SERGEF: variants seen among roughly 807,000 people sequenced by gnomAD.
The protein encoded by SERGEF is secretion regulating guanine nucleotide exchange factor.
In SERGEF, 51 loss-of-function variants were observed where a neutral mutation model predicts 50.0. The ratio of observed to expected loss-of-function variants is 1.02; its 90% confidence interval spans 0.81 to 1.29. The LOEUF is 1.29. Among genes scored for constraint, SERGEF ranks in the 50% most tolerant of loss-of-function variants. The pLI is 0.00. For synonymous variants in SERGEF, 205 were observed against 212.4 expected (o/e 0.97, Z 0.30); for missense variants, 521 against 557.0 (o/e 0.94, Z 0.65).
At chr11:17,877,053 G>T (rs1203665301) in intron 10 of SERGEF, among the ~76,000 whole-genome samples, 1 of 152,240 alleles carries the variant, frequency 6.6e-6, no homozygotes, top group Non-Finnish European at 1.5e-5. Context: ...TGCCACCCCA[G>T]GCAGCTGAGC....
intron 10 of SERGEF, among the ~76,000 whole-genome samples, chr11:17,866,517 T>C (rs1384823341): frequency 6.6e-6 from 1 of 152,104 alleles, no homozygotes; most frequent in African/African-American, 2.4e-5. Context: ...TCCCCCCTTT[T>C]TGAGAGAGAG....
chr11:17,871,500 GAGA>G (rs1166819739), intron 10 of SERGEF, among the ~76,000 whole-genome samples: 15 of 150,190 alleles, frequency 1.0e-4, no homozygotes, highest in Admixed American at 1.0e-3. Flanking sequence ...CACTGGCTGG[GAGA>G]AGATGTTTGC....
chr11:17,793,314 A>C (rs546524228), intron 10 of SERGEF, among the ~76,000 whole-genome samples: 1 of 152,274 alleles, frequency 6.6e-6, no homozygotes, highest in South Asian at 2.1e-4. Flanking sequence ...GCCTATAGGA[A>C]AAAAAAAGCC....
At chr11:17,968,113 A>T (rs1853165248) in intron 8 of SERGEF, among the ~76,000 whole-genome samples, 1 of 152,180 alleles carries the variant, frequency 6.6e-6, no homozygotes, top group African/African-American at 2.4e-5. Flanking sequence ...AAGAACAATG[A>T]TCTTTTCTTA....
intron 10 of SERGEF, among the ~76,000 whole-genome samples, chr11:17,789,806 A>T (rs1849450056): frequency 2.0e-5 from 3 of 152,120 alleles, no homozygotes; most frequent in African/African-American, 7.2e-5. Flanking sequence ...TTCTCCATGG[A>T]TTGTAAAGTA....
At chr11:17,923,367 GGCCCAA>G (rs1227814929) in intron 9 of SERGEF, among the ~76,000 whole-genome samples, 2 of 152,306 alleles carry the variant, frequency 1.3e-5, no homozygotes, top group African/African-American at 4.8e-5. Context: ...GGTGCCAGAG[GGCCCAA>G]TCCTGGGACA....
intron 6 of SERGEF, among the ~76,000 whole-genome samples, chr11:17,995,345 G>C (rs1398007731): frequency 1.3e-5 from 2 of 152,304 alleles, no homozygotes; most frequent in South Asian, 2.1e-4. Context: ...TCCCTCTTTG[G>C]GGTGTGCCTG....
At chr11:17,963,949 T>C (rs1853067149) in intron 8 of SERGEF, among the ~76,000 whole-genome samples, 1 of 151,974 alleles carries the variant, frequency 6.6e-6, no homozygotes, top group African/African-American at 2.4e-5. Context: ...AAGCCTAGGA[T>C]GCATCAAGGC....
At chr11:17,856,423 A>G (rs1315891357) in intron 10 of SERGEF, 1 of 152,210 alleles carries the variant, frequency 6.6e-6, no homozygotes, top group East Asian at 1.9e-4. Context: ...AGTTTTCAGA[A>G]AAAGTGAAAT....
chr11:17,856,564 G>A (rs1221725061), intron 10 of SERGEF: 2 of 152,138 alleles, frequency 1.3e-5, no homozygotes, highest in Non-Finnish European at 2.9e-5. Context: ...ATGAACCTGT[G>A]TCTTTAGATA....
At chr11:17,818,263 G>C (rs568839207) in intron 10 of SERGEF, among the ~76,000 whole-genome samples, 20 of 152,226 alleles carry the variant, frequency 1.3e-4, no homozygotes, top group Admixed American at 1.3e-3. Context: ...TACCTGGGGG[G>C]ATTTAGGCAA....
At chr11:17,914,714 A>G (rs1852016614) in intron 9 of SERGEF, among the ~76,000 whole-genome samples, 2 of 152,258 alleles carry the variant, frequency 1.3e-5, no homozygotes, top group Admixed American at 6.5e-5. Context: ...CTGAGCTCCC[A>G]TAACATTTTA....
At position 18,006,741 on chromosome 11, in the gene SERGEF, C is replaced by T; in HGVS notation, c.202G>A (p.Gly68Arg). The T allele has an allele frequency of 6.2e-7, 1 of 1,614,078 alleles. No homozygotes were observed. The highest frequency in any genetic ancestry group is 8.5e-7 in the Non-Finnish European group (1 of 1,179,996). The part of the protein sequence containing the change: ...GGHSAVVTDG[G>R]DLFVCGLNKD... ...TTCAGGCCACAAACAAAGAGGTCTCCTCCATCTGCAAAATATAAAGGCATC... is the reference window on the plus strand; with the variant it reads ...TTCAGGCCACAAACAAAGAGGTCTCTTCCATCTGCAAAATATAAAGGCATC... The change falls in exon 3 of 11, where the codon GGA becomes AGA. Residue 68 changes from glycine to arginine, a missense_variant. Transcript: ENST00000265965.
intron 10 of SERGEF, among the ~76,000 whole-genome samples, chr11:17,824,815 C>T (rs1850160126): frequency 6.6e-6 from 1 of 152,172 alleles, no homozygotes; most frequent in African/African-American, 2.4e-5. Flanking sequence ...TCATTACCTC[C>T]TTAAATACCT....
At chr11:17,897,812 T>C (rs1851675854) in intron 9 of SERGEF, among the ~76,000 whole-genome samples, 1 of 152,224 alleles carries the variant, frequency 6.6e-6, no homozygotes, top group Non-Finnish European at 1.5e-5. Context: ...CCTCCACTTG[T>C]ACCTTCAGCC....
chr11:17,999,868 CTG>C (rs1207647773), intron 5 of SERGEF, among the ~76,000 whole-genome samples: 1 of 152,258 alleles, frequency 6.6e-6, no homozygotes, highest in Non-Finnish European at 1.5e-5. Flanking sequence ...CACTTTAACT[CTG>C]TGCCTCAGTT....
intron 9 of SERGEF, among the ~76,000 whole-genome samples, chr11:17,951,139 G>T (rs1456792594): frequency 6.6e-6 from 1 of 152,176 alleles, no homozygotes; most frequent in Non-Finnish European, 1.5e-5. Flanking sequence ...TAGCTCCTAA[G>T]ATCTCAAGCG....
chr11:17,951,644 G>A (rs1329683282), intron 9 of SERGEF, among the ~76,000 whole-genome samples: 1 of 152,196 alleles, frequency 6.6e-6, no homozygotes, highest in Non-Finnish European at 1.5e-5. Context: ...CCCAAAGCCA[G>A]AGCCCAGGGT....
intron 8 of SERGEF, among the ~76,000 whole-genome samples, chr11:17,961,630 A>G (rs1419736837): frequency 2.0e-5 from 3 of 152,226 alleles, no homozygotes; most frequent in Non-Finnish European, 2.9e-5. Context: ...TATCCCCAAT[A>G]GCAATTCAGC....
Sources: gnomAD v4.1 joint callset for allele counts (sites outside exome capture counted in the v4.1 genomes callset) on GRCh38, gnomAD v4.1.1 for gene constraint, MANE v1.5 for transcripts, NCBI Gene and HGNC (gene_info 2026-07-23, HGNC 2026-07-21) for gene names.